Variants in ZNF726 observed in about 807,000 individuals in gnomAD.
ZNF726 encodes the protein zinc finger protein 92 pseudogene 3.
ZNF726 carries 15 observed loss-of-function variants against 11.6 expected under a neutral mutation model. The ratio of observed to expected loss-of-function variants is 1.29; its 90% CI spans 0.86 to 1.99. ZNF726 has a LOEUF of 1.99. ZNF726 is among the 30% of genes most tolerant of loss of function. The pLI is 0.00. For synonymous variants in ZNF726, 295 were observed against 243.6 expected (o/e 1.21, Z -1.96); for missense variants, 890 against 725.6 (o/e 1.23, Z -2.60).
chr19:23,936,914 C>G (rs936191403), downstream of ZNF726, among the ~76,000 whole-genome samples: 6 of 152,222 alleles, frequency 3.9e-5, no homozygotes, highest in African/African-American at 1.4e-4. Flanking sequence ...ACCTGTCCCC[C>G]CTTTCTATTC....
chr19:23,923,018 T>G (rs945519320), intron 3 of ZNF726, among the ~76,000 whole-genome samples: 6 of 152,130 alleles, frequency 3.9e-5, no homozygotes, highest in Non-Finnish European at 7.3e-5. Context: ...ATTCAGACAT[T>G]TAGGACAATA....
chr19:23,936,296 A>G (rs1968229810), downstream of ZNF726: 2 of 152,232 alleles, frequency 1.3e-5, no homozygotes, highest in Non-Finnish European at 2.9e-5. Context: ...GAGTATAGGA[A>G]ATAATACAAA....
intron 3 of ZNF726, among the ~76,000 whole-genome samples, chr19:23,923,042 A>T (rs192881260): frequency 6.6e-6 from 1 of 152,186 alleles, no homozygotes; most frequent in East Asian, 1.9e-4. Context: ...TAGAATTTAC[A>T]TGTTGTTCCT....
intron 3 of ZNF726, among the ~76,000 whole-genome samples, chr19:23,930,326 T>C (rs1232394987): frequency 1.3e-5 from 2 of 152,198 alleles, no homozygotes; most frequent in Non-Finnish European, 2.9e-5. Flanking sequence ...TTAATGAATA[T>C]ATTGATCTAG....
Position 23,920,075 on chromosome 19 carries a change from AC to A in ZNF726, c.224del (p.Pro75GlnfsTer24). The A allele has an allele frequency of 1.3e-6, 2 of 1,579,576 alleles. No individual in the cohort carries two copies. The highest frequency in any genetic ancestry group is 1.7e-6 in the Non-Finnish European group (2 of 1,159,300). On this transcript the variant is annotated frameshift_variant, in exon 3 of 4. Coordinates refer to ENST00000594466, the MANE Select transcript of ZNF726 (RefSeq NM_001244038.2). LOFTEE classifies it low-confidence loss of function (END_TRUNC). The stretch of plus-strand genomic sequence containing the variant: ...TGAAGCGAGATGAGATGGTGGATGA[AC>A]CCCCAGGTAGGTGAGAGTGAATACA... ...NMKRDEMVDE[P>X]PGICPHFAQD... is the part of the protein sequence containing the mutation.
At chr19:23,919,686 G>A in intron 2 of ZNF726, 187 bp downstream of exon 2, 1 of 689,992 alleles carries the variant, frequency 1.4e-6, no homozygotes, top group Non-Finnish European at 2.1e-6. Context: ...TTCCTGAGCT[G>A]ATCTGTGTCT....
intron 3 of ZNF726, among the ~76,000 whole-genome samples, chr19:23,927,633 A>G (rs1968016882): frequency 1.3e-5 from 2 of 152,080 alleles, no homozygotes; most frequent in Non-Finnish European, 2.9e-5. Flanking sequence ...TTGGGACTAC[A>G]AACATAACGT....
At chr19:23,932,162 C>T (rs1299531415) in intron 3 of ZNF726, among the ~76,000 whole-genome samples, 181 bp from the exon 4 acceptor site, 3 of 151,916 alleles carry the variant, frequency 2.0e-5, no homozygotes, top group Admixed American at 1.3e-4. Context: ...GAACATTTCC[C>T]ACAGATGTAT....
chr19:23,934,074 G>A lies in ZNF726; in HGVS notation c.*107G>A. ...GAGAAACCCTACAAATGTGAAGAAT[G>A]TGAAAAAGCTTTTAATCCTCAAATC... is the stretch of plus-strand genomic sequence containing the variant. On this transcript the variant is annotated 3_prime_UTR_variant, in exon 4 of 4. Coordinates refer to ENST00000594466, the MANE Select transcript of ZNF726 (RefSeq NM_001244038.2). The A allele has an allele frequency of 7.2e-7, 1 of 1,387,716 alleles. No individual in the cohort carries two copies. The highest frequency in any genetic ancestry group is 2.3e-5 in the East Asian group (1 of 42,784). The allele number at this position is 1,387,716 out of a possible 1,614,324, so 86.0% of individuals were successfully genotyped here.
At chr19:23,939,793 A>G (rs751624335) in intron 3 of ZNF726, among the ~76,000 whole-genome samples, 23 of 147,654 alleles carry the variant, frequency 1.6e-4, no homozygotes, top group Non-Finnish European at 3.1e-4. Context: ...AACTTTTTAA[A>G]TGTTTGTTAG....
At chr19:23,937,400 C>T (rs112880224), downstream of ZNF726, among the ~76,000 whole-genome samples, 5 of 151,346 alleles carry the variant, frequency 3.3e-5, 1 homozygote, top group South Asian at 6.3e-4. Flanking sequence ...GGGTGGCTGC[C>T]GGGCAGAGGG....
intron 1 of ZNF726, 38 bp downstream of exon 1, chr19:23,915,035 G>T (rs1717188045): frequency 1.2e-6 from 2 of 1,613,578 alleles, no homozygotes; most frequent in African/African-American, 2.7e-5. Context: ...GAGAGGGAAC[G>T]GGGCTGGCTG....
chr19:23,942,643 G>A (rs893527902), intron 3 of ZNF726, among the ~76,000 whole-genome samples: 3 of 152,158 alleles, frequency 2.0e-5, no homozygotes, highest in Admixed American at 1.3e-4. Context: ...TGGAGCTCCA[G>A]TGTTAGGTGC....
intron 1 of ZNF726, among the ~76,000 whole-genome samples, chr19:23,918,553 G>C (rs1295818194): frequency 6.6e-6 from 1 of 152,162 alleles, no homozygotes; most frequent in Admixed American, 6.5e-5. Flanking sequence ...TACCTCAGTA[G>C]TGATGCTGTG....
chr19:23,920,732 A>C (rs1967825536), intron 3 of ZNF726: 1 of 150,930 alleles, frequency 6.6e-6, no homozygotes, highest in Non-Finnish European at 1.5e-5. Context: ...GCACAAGAGT[A>C]GTGGTTTCTG....
chr19:23,938,540 C>T (rs1310880895), downstream of ZNF726, among the ~76,000 whole-genome samples: 1 of 151,130 alleles, frequency 6.6e-6, no homozygotes, highest in Non-Finnish European at 1.5e-5. Context: ...TCTGTTTTAA[C>T]TTGACTGTTA....
intron 2 of ZNF726, chr19:23,919,701 C>T: frequency 1.6e-6 from 1 of 620,268 alleles, no homozygotes; most frequent in East Asian, 4.3e-5. Context: ...GTGTCTTTCG[C>T]TTTAGATTAG....
chr19:23,919,302 T>C, intron 1 of ZNF726, 71 bp from the exon 2 acceptor site: 1 of 1,575,090 alleles, frequency 6.3e-7, no homozygotes, highest in Non-Finnish European at 8.6e-7. Context: ...TTTCTGATTT[T>C]ACCTTGAGTC....
downstream of ZNF726, among the ~76,000 whole-genome samples, chr19:23,937,029 G>A (rs1045775634): frequency 6.6e-6 from 1 of 151,628 alleles, no homozygotes; most frequent in African/African-American, 2.4e-5. Context: ...TCCCAGTAGG[G>A]GCGGCTGGGC....
Sources: gnomAD v4.1 joint callset for allele counts (sites outside exome capture counted in the v4.1 genomes callset) on GRCh38, gnomAD v4.1.1 for gene constraint, MANE v1.5 for transcripts, NCBI Gene and HGNC (gene_info 2026-07-23, HGNC 2026-07-21) for gene names.